Variants in MTUS1 observed in about 807,000 individuals in gnomAD.
MTUS1 encodes microtubule associated scaffold protein 1, also known as microtubule-associated tumor suppressor 1.
In MTUS1, 109 loss-of-function variants were observed where a neutral mutation model predicts 120.8. The ratio of observed to expected loss-of-function variants is 0.90; its 90% CI spans 0.77 to 1.06. MTUS1 has a LOEUF of 1.06. Among genes scored for constraint, MTUS1 ranks in the 50% least tolerant of loss-of-function variants. The pLI, the probability that MTUS1 is intolerant of heterozygous loss-of-function variation, is 0.00. For missense variants in MTUS1, 2,210 were observed against 1,486.3 expected (o/e 1.49, Z -8.01); for synonymous variants, 737 against 550.5 (o/e 1.34, Z -4.74).
intron 3 of MTUS1, among the ~76,000 whole-genome samples, chr8:17,730,780 T>G (rs966071570): frequency 1.3e-5 from 2 of 152,140 alleles, no homozygotes; most frequent in Admixed American, 1.3e-4. Context: ...CAAATGCATA[T>G]AGACAGAACA....
At chr8:17,738,389 A>G (rs111898412) in intron 3 of MTUS1, among the ~76,000 whole-genome samples, 16 of 152,282 alleles carry the variant, frequency 1.1e-4, no homozygotes, top group African/African-American at 3.9e-4. Context: ...GGCCTCTGAA[A>G]TGGCAACTCA....
At chr8:17,747,678 T>A (rs2131297276) in intron 2 of MTUS1, among the ~76,000 whole-genome samples, 1 of 152,214 alleles carries the variant, frequency 6.6e-6, no homozygotes, top group East Asian at 1.9e-4. Flanking sequence ...GCCCCCCACA[T>A]CCCATTCATG....
At chr8:17,715,939 T>C in intron 4 of MTUS1, 38 bp from the exon 5 acceptor site, 1 of 1,585,776 alleles carries the variant, frequency 6.3e-7, no homozygotes, top group Non-Finnish European at 8.6e-7. Context: ...ATTGTATAGA[T>C]AAACACAGTT....
At chr8:17,724,568 T>A (rs1479959194) in intron 3 of MTUS1, among the ~76,000 whole-genome samples, 1 of 152,206 alleles carries the variant, frequency 6.6e-6, no homozygotes, top group Non-Finnish European at 1.5e-5. Context: ...TCACTCCAAC[T>A]TGCAACTCTT....
chr8:17,678,036 C>G (rs183427754), intron 7 of MTUS1, among the ~76,000 whole-genome samples: 151 of 152,224 alleles, frequency 9.9e-4, no homozygotes, highest in Non-Finnish European at 1.4e-3. Context: ...ATGACCTCAT[C>G]GGATGGGAAG....
chr8:17,783,488 G>C (rs895893880), intron 1 of MTUS1, among the ~76,000 whole-genome samples: 3 of 152,098 alleles, frequency 2.0e-5, no homozygotes, highest in African/African-American at 7.2e-5. Flanking sequence ...CTTAGAATCT[G>C]TCCTCACTAG....
intron 2 of MTUS1, among the ~76,000 whole-genome samples, chr8:17,744,182 T>C (rs545848756): frequency 3.3e-5 from 5 of 152,234 alleles, no homozygotes; most frequent in Non-Finnish European, 7.3e-5. Flanking sequence ...CTGTCTCTTG[T>C]AGGGGCAAAT....
At chr8:17,659,017 A>G (rs1350579623) in intron 8 of MTUS1, among the ~76,000 whole-genome samples, 1 of 152,200 alleles carries the variant, frequency 6.6e-6, no homozygotes, top group East Asian at 1.9e-4. Flanking sequence ...CTGGCACAGA[A>G]TGGGGCTCTT....
intron 3 of MTUS1, among the ~76,000 whole-genome samples, chr8:17,730,241 G>T (rs2046474731): frequency 6.6e-6 from 1 of 152,198 alleles, no homozygotes; most frequent in African/African-American, 2.4e-5. Flanking sequence ...ACTTTGGGAG[G>T]CCAAGGCAGG....
intron 3 of MTUS1, among the ~76,000 whole-genome samples, chr8:17,740,203 G>A (rs552610981): frequency 2.7e-5 from 4 of 148,786 alleles, no homozygotes; most frequent in East Asian, 2.0e-4. Flanking sequence ...GCGAGACTCC[G>A]TCTCAAAAAA....
intron 1 of MTUS1, among the ~76,000 whole-genome samples, chr8:17,795,260 A>C (rs975476006): frequency 6.6e-6 from 1 of 152,210 alleles, no homozygotes; most frequent in Non-Finnish European, 1.5e-5. Flanking sequence ...GATAAGTATG[A>C]GTCTTTCCCA....
At chr8:17,666,797 TGG>T (rs1811009676) in intron 8 of MTUS1, among the ~76,000 whole-genome samples, 1 of 152,054 alleles carries the variant, frequency 6.6e-6, no homozygotes, top group Non-Finnish European at 1.5e-5. Flanking sequence ...CTTCTGTAAT[TGG>T]GAAGCACCTA....
chr8:17,744,033 CTCTT>C (rs1370787886), intron 2 of MTUS1, among the ~76,000 whole-genome samples: 1 of 152,212 alleles, frequency 6.6e-6, no homozygotes, highest in Non-Finnish European at 1.5e-5. Context: ...ACAAAACAGA[CTCTT>C]TATAGCAAAA....
At chr8:17,647,800 T>C (rs917520098) in intron 13 of MTUS1, among the ~76,000 whole-genome samples, 2 of 152,192 alleles carry the variant, frequency 1.3e-5, no homozygotes, top group Non-Finnish European at 2.9e-5. Context: ...AAGACCTGAT[T>C]CCATCCCCCA....
chr8:17,719,092 C>T (rs1373365163), intron 4 of MTUS1, among the ~76,000 whole-genome samples: 2 of 152,058 alleles, frequency 1.3e-5, no homozygotes, highest in Non-Finnish European at 2.9e-5. Context: ...ACTGCTTGAA[C>T]CCAGGAGGCG....
At chr8:17,721,113 A>C (rs2045804740) in intron 4 of MTUS1, among the ~76,000 whole-genome samples, 1 of 152,210 alleles carries the variant, frequency 6.6e-6, no homozygotes, top group Non-Finnish European at 1.5e-5. Context: ...ATCACAAAGA[A>C]ACAAGCAGAC....
At position 17,755,658 on chromosome 8, in the gene MTUS1, G is replaced by T. The variant is rs2131347275; in HGVS notation, c.150C>A (p.Asn50Lys). ...CATAATCAACCACCATGTCATCTGGGTTGGCAGAATTCCAGTTCACACTGC... is the reference window on the plus strand; with the variant it reads ...CATAATCAACCACCATGTCATCTGGTTTGGCAGAATTCCAGTTCACACTGC... ...SASSVNWNSA[N>K]PDDMVVDYET... Residue 50 changes from asparagine (N) to lysine (K), a missense_variant, in exon 2 of 15, where the codon AAC becomes AAA. Coordinates refer to ENST00000693296, the MANE Select transcript of MTUS1 (RefSeq NM_001363059.2). 6.2e-7 allele frequency: 1 copy of T among 1,614,188 alleles called. No homozygotes were observed. The highest frequency in any genetic ancestry group is 1.6e-4 in the Middle Eastern group (1 of 6,062).
chr8:17,724,212 A>G (rs1265071425), intron 3 of MTUS1: 1 of 282,042 alleles, frequency 3.5e-6, no homozygotes, highest in Admixed American at 4.6e-5. Context: ...ACTGGTGACT[A>G]AAAAAAAAAT....
chr8:17,726,978 G>C (rs1413276796), intron 3 of MTUS1, among the ~76,000 whole-genome samples: 2 of 152,144 alleles, frequency 1.3e-5, no homozygotes, highest in South Asian at 2.1e-4. Flanking sequence ...ACATTTCTGA[G>C]TGTGCCTGGG....
Sources: gnomAD v4.1 joint callset for allele counts (sites outside exome capture counted in the v4.1 genomes callset) on GRCh38, gnomAD v4.1.1 for gene constraint, MANE v1.5 for transcripts, NCBI Gene and HGNC (gene_info 2026-07-23, HGNC 2026-07-21) for gene names.